Variants in AKAP9 observed in about 807,000 individuals in gnomAD.
AKAP9 encodes A-kinase anchoring protein 9, also known as A-kinase anchor protein 9.
In AKAP9, 311 loss-of-function variants were observed where a neutral mutation model predicts 488.5. The observed-to-expected ratio is 0.64, with a 90% CI of 0.58 to 0.70. AKAP9 has a LOEUF of 0.70. Among genes scored for constraint, AKAP9 ranks in the 30% least tolerant of loss-of-function variants. The probability of loss-of-function intolerance (pLI) is 0.00; values close to 1 mark genes in which losing one functional copy is unlikely to be tolerated. For synonymous variants in AKAP9, 1,462 were observed against 1,483.5 expected (o/e 0.99, Z 0.33); for missense variants, 4,215 against 4,374.5 (o/e 0.96, Z 1.03).
Position 92,097,804 on chromosome 7 carries a change from T to A in AKAP9, c.10607+10T>A. 1 of 1,613,332 alleles carries A rather than the reference T, an allele frequency of 6.2e-7. No homozygotes were observed. Among genetic ancestry groups the A allele is most frequent in the Non-Finnish European group, 8.5e-7 (1 of 1,179,268 alleles). Reference sequence around the variant, plus strand: ...AGAAAGCCTCTGAGAGGTTAGACTTTTCTGCCTGATCTTTGGGAAAGTAGT... The same window carrying A: ...AGAAAGCCTCTGAGAGGTTAGACTTATCTGCCTGATCTTTGGGAAAGTAGT... On this transcript the variant is annotated intron_variant, in intron 42 of 49. Coordinates refer to ENST00000356239, the MANE Select transcript of AKAP9 (RefSeq NM_005751.5).
chr7:92,040,986 A>AT, intron 18 of AKAP9, 88 bp downstream of exon 18: 1 of 1,106,086 alleles, frequency 9.0e-7, no homozygotes, highest in South Asian at 1.5e-5. Flanking sequence ...AAACAACAGT[A>AT]TTTTTTATGT....
chr7:92,034,825 C>T (rs1320215054), intron 16 of AKAP9, among the ~76,000 whole-genome samples: 1 of 151,960 alleles, frequency 6.6e-6, no homozygotes, highest in East Asian at 1.9e-4. Context: ...CATTTAATGT[C>T]TGTGGCATCT....
intron 24 of AKAP9, 149 bp downstream of exon 24, chr7:92,062,635 A>G: frequency 1.5e-6 from 1 of 687,642 alleles, no homozygotes. Flanking sequence ...TACCTTAGAG[A>G]TAAATGTCTT....
intron 1 of AKAP9, among the ~76,000 whole-genome samples, chr7:91,971,213 G>A (rs577035301): frequency 2.6e-5 from 4 of 151,874 alleles, no homozygotes; most frequent in African/African-American, 4.8e-5. Flanking sequence ...TAAATAGCCC[G>A]TCTTTGAGCT....
chr7:92,018,331 C>G (rs150442298), intron 12 of AKAP9, among the ~76,000 whole-genome samples: 1 of 150,676 alleles, frequency 6.6e-6, no homozygotes, highest in East Asian at 2.0e-4. Flanking sequence ...GCTGCATGAG[C>G]TATGATTGTG....
At chr7:91,966,221 GT>G (rs2130533745) in intron 1 of AKAP9, among the ~76,000 whole-genome samples, 1 of 152,016 alleles carries the variant, frequency 6.6e-6, no homozygotes, top group East Asian at 1.9e-4. Context: ...CCATTTGTCT[GT>G]TTTTGTTTTT....
chr7:92,066,505 G>C lies in AKAP9; in HGVS notation c.6289G>C (p.Val2097Leu), dbSNP rs1055578457. 6 of 1,613,562 alleles carry C rather than the reference G, an allele frequency of 3.7e-6. No individual in the cohort carries two copies. In the Admixed American group the frequency reaches 6.7e-5, roughly 18 times the overall value. The change falls in exon 26 of 50, where the codon GTT (valine) becomes CTT (leucine). Residue 2097 changes from valine to leucine, a missense_variant. Val to Leu is a conservative substitution (Grantham distance 32). Transcript: ENST00000356239. ...GAAACTAGAACAGCAACTTAAGGTT[G>C]TTCCTCGATTCCAGCCTATCAGTGA... ...IQKLEQQLKVVPRFQPISEHQ... is the reference protein window; with the variant it reads ...IQKLEQQLKVLPRFQPISEHQ...
chr7:92,072,481 C>T (rs1811875382), intron 28 of AKAP9, among the ~76,000 whole-genome samples: 1 of 152,072 alleles, frequency 6.6e-6, no homozygotes, highest in Non-Finnish European at 1.5e-5. Flanking sequence ...ATTTTTTCCC[C>T]AGAAACTAGG....
At chr7:91,994,803 C>T in intron 6 of AKAP9, 27 bp downstream of exon 6, 1 of 1,586,408 alleles carries the variant, frequency 6.3e-7, no homozygotes, top group Non-Finnish European at 8.6e-7. Flanking sequence ...CAACAAAATT[C>T]ATTATTTTTT....
Position 91,941,070 on chromosome 7 carries a change from C to T in AKAP9, c.-30C>T. The T allele has an allele frequency of 1.2e-6, 2 of 1,609,064 alleles. No homozygotes were observed. Among genetic ancestry groups the T allele is most frequent in the Non-Finnish European group, 1.7e-6 (2 of 1,175,346 alleles). ...TCTATCCCCAACCACCCCTCAACCC[C>T]TGTTTTCCCCTGCCTTCCTTGCAGA... On this transcript the variant is annotated 5_prime_UTR_variant, in exon 1 of 50. Coordinates refer to ENST00000356239, the MANE Select transcript of AKAP9 (RefSeq NM_005751.5).
At chr7:92,023,713 A>G (rs1802656671) in intron 14 of AKAP9, among the ~76,000 whole-genome samples, 1 of 152,166 alleles carries the variant, frequency 6.6e-6, no homozygotes, top group Non-Finnish European at 1.5e-5. Context: ...GTATCATTCC[A>G]AAGCTCTTCT....
At chr7:92,028,295 TAAAAAAA>T (rs57352733) in intron 14 of AKAP9, among the ~76,000 whole-genome samples, 4 of 65,058 alleles carry the variant, frequency 6.1e-5, no homozygotes, top group Non-Finnish European at 1.1e-4. Flanking sequence ...CAATAAATAC[TAAAAAAA>T]AAAAAAAAAA....
At chr7:91,965,478 G>C (rs1038812581) in intron 1 of AKAP9, among the ~76,000 whole-genome samples, 2 of 152,048 alleles carry the variant, frequency 1.3e-5, no homozygotes, top group African/African-American at 4.8e-5. Context: ...ATTGTAAATA[G>C]TACTACAAAA....
intron 1 of AKAP9, among the ~76,000 whole-genome samples, chr7:91,942,798 G>A (rs1012757609): frequency 1.6e-4 from 24 of 151,906 alleles, no homozygotes; most frequent in African/African-American, 5.6e-4. Context: ...CTATGTATGG[G>A]GTAAAAACCT....
At chr7:91,972,394 G>C (rs1017583198) in intron 1 of AKAP9, among the ~76,000 whole-genome samples, 2 of 152,182 alleles carry the variant, frequency 1.3e-5, no homozygotes, top group African/African-American at 4.8e-5. Context: ...CAAGTTGATG[G>C]AGAAGCTGGT....
intron 21 of AKAP9, among the ~76,000 whole-genome samples, chr7:92,049,579 C>A (rs1362932304): frequency 6.6e-6 from 1 of 151,856 alleles, no homozygotes; most frequent in Non-Finnish European, 1.5e-5. Context: ...CTACTGCACT[C>A]CAGCCTGGGC....
chr7:92,065,601 G>A (rs951539656), intron 25 of AKAP9, 138 bp downstream of exon 25: 18 of 624,004 alleles, frequency 2.9e-5, no homozygotes, highest in East Asian at 2.8e-4. Context: ...TCTACTAATC[G>A]ATCAAAAAGT....
chr7:91,995,760 A>G lies in AKAP9; in HGVS notation c.890A>G (p.Gln297Arg), dbSNP rs777974966. ...AAAAAGAAAGAAGACTTCACAATGC[A>G]AATTAGTTTCTTGCAAGAGAAAATT... ...YQKKKEDFTM[Q>R]ISFLQEKIKV... The change falls in exon 7 of 50, where the codon CAA becomes CGA. Residue 297 changes from glutamine to arginine, a missense_variant. By Grantham distance (43) the Gln-to-Arg change is conservative. Coordinates refer to ENST00000356239, the MANE Select transcript of AKAP9 (RefSeq NM_005751.5). 1.2e-6 allele frequency: 2 copies of G among 1,612,486 alleles called. 1 individual carries two copies. The highest frequency in any genetic ancestry group is 2.2e-5 in the South Asian group (2 of 90,962).
At chr7:92,069,428 T>A (rs1811321232) in intron 26 of AKAP9, among the ~76,000 whole-genome samples, 1 of 152,234 alleles carries the variant, frequency 6.6e-6, no homozygotes. Flanking sequence ...CTAGTGTTGC[T>A]TAATTTTTTC....
Sources: allele counts gnomAD v4.1 joint callset (sites outside exome capture counted in the v4.1 genomes callset), GRCh38; gene constraint gnomAD v4.1.1; transcripts MANE v1.5; gene names NCBI Gene and HGNC (gene_info 2026-07-23, HGNC 2026-07-21).